DIP2B: variants seen among roughly 807,000 people sequenced by gnomAD.
The protein encoded by DIP2B is DIP2 acetate--CoA ligase B (putative).
DIP2B carries 76 observed loss-of-function variants against 198.0 expected under a neutral mutation model. The observed-to-expected ratio is 0.38, with a 90% CI of 0.32 to 0.46. The LOEUF is 0.46. Among genes scored for constraint, DIP2B ranks in the 20% least tolerant of loss-of-function variants. The pLI is 0.99. For missense variants in DIP2B, 1,559 were observed against 1,978.4 expected, an observed-to-expected ratio of 0.79 and a Z score of 4.02; for synonymous variants, 701 against 739.1, an observed-to-expected ratio of 0.95 and a Z score of 0.84.
chr12:50,607,845 G>A (rs1328803556), intron 1 of DIP2B, among the ~76,000 whole-genome samples: 1 of 152,218 alleles, frequency 6.6e-6, no homozygotes, highest in Non-Finnish European at 1.5e-5. Flanking sequence ...CCAGGCTGGA[G>A]TGCAGTGGCA....
chr12:50,695,000 A>G (rs1939285862), intron 14 of DIP2B, among the ~76,000 whole-genome samples: 1 of 152,200 alleles, frequency 6.6e-6, no homozygotes, highest in Non-Finnish European at 1.5e-5. Context: ...GGGAACAAAT[A>G]TCTATGAAAA....
At chr12:50,510,616 G>C (rs1037993263) in intron 1 of DIP2B, among the ~76,000 whole-genome samples, 1 of 150,672 alleles carries the variant, frequency 6.6e-6, no homozygotes, top group Non-Finnish European at 1.5e-5. Flanking sequence ...ACAGTTTCTC[G>C]CAAATCTTTA....
intron 1 of DIP2B, among the ~76,000 whole-genome samples, chr12:50,577,844 CAGG>C (rs942792041): frequency 1.2e-4 from 18 of 151,674 alleles, no homozygotes; most frequent in African/African-American, 4.4e-4. Context: ...TTGGAAGAGT[CAGG>C]AGTACAGCAT....
intron 3 of DIP2B, among the ~76,000 whole-genome samples, chr12:50,642,870 G>C (rs1360854650): frequency 6.6e-6 from 1 of 152,186 alleles, no homozygotes; most frequent in Non-Finnish European, 1.5e-5. Flanking sequence ...AAAGCATTCA[G>C]GTGCACCCCT....
At chr12:50,606,721 C>A (rs1183604229) in intron 1 of DIP2B, among the ~76,000 whole-genome samples, 1 of 151,708 alleles carries the variant, frequency 6.6e-6, no homozygotes, top group East Asian at 1.9e-4. Flanking sequence ...GTCTCCAACT[C>A]TTGCGTTCAA....
intron 22 of DIP2B, among the ~76,000 whole-genome samples, chr12:50,713,047 C>T (rs913945673): frequency 4.6e-5 from 7 of 152,170 alleles, no homozygotes; most frequent in African/African-American, 1.2e-4. Context: ...AAGTCCAGGT[C>T]GGCTTACTTC....
chr12:50,554,472 A>C lies in DIP2B; in HGVS notation c.100+49232A>C, dbSNP rs150470937. Among the ~76,000 whole-genome samples, 718 of 152,170 alleles carry C rather than the reference A, an allele frequency of 4.7e-3. 8 individuals are homozygous for C. The highest frequency in any genetic ancestry group is 0.016 in the African/African-American group (679 of 41,530). ...ATGTATTTGTCATTGATATGTCTCT[A>C]TACTCTTAGTTGCATGAATCTGCCT... On this transcript the variant is annotated intron_variant, in intron 1 of 37. Transcript: ENST00000301180.
At chr12:50,601,406 G>A (rs1958935474) in intron 1 of DIP2B, among the ~76,000 whole-genome samples, 1 of 151,370 alleles carries the variant, frequency 6.6e-6, no homozygotes, top group Non-Finnish European at 1.5e-5. Context: ...GTGCAGTGGC[G>A]CGATCTCGAC....
Position 50,678,692 on chromosome 12 carries a change from C to A in DIP2B, c.930C>A (p.Asp310Glu). Residue 310 changes from aspartate to glutamate, a missense_variant, in exon 8 of 38, where the codon GAC (aspartate) becomes GAA (glutamate). Coordinates refer to ENST00000301180, the MANE Select transcript of DIP2B (RefSeq NM_173602.3). Reference sequence around the variant, plus strand: ...TTCCTGGTACAGTACCTCAGCCAGACCCCAACCAGCCCAAGCCGGAGGGAC... The same window carrying A: ...TTCCTGGTACAGTACCTCAGCCAGAACCCAACCAGCCCAAGCCGGAGGGAC... ...SEEIVEVPQPDPNQPKPEGRQ... is the reference protein window; with the variant it reads ...SEEIVEVPQPEPNQPKPEGRQ... 5 of 1,614,030 alleles carry A rather than the reference C, an allele frequency of 3.1e-6. No individual in the cohort carries two copies. The highest frequency in any genetic ancestry group is 4.2e-6 in the Non-Finnish European group (5 of 1,179,958).
chr12:50,581,177 G>A lies in DIP2B; in HGVS notation c.101-44799G>A, dbSNP rs1958721449. Among the ~76,000 whole-genome samples, 3 of 149,456 alleles carry A rather than the reference G, an allele frequency of 2.0e-5. 1 individual carries two copies. ...ATGTGAATGAGCACAACTACTTGAT[G>A]ACTTTCAAAAACACAGATTTCTGGC... On this transcript the variant is annotated intron_variant, in intron 1 of 37. Coordinates refer to ENST00000301180, the MANE Select transcript of DIP2B (RefSeq NM_173602.3).
rs184174633 is a variant in DIP2B at position 50,735,058 on chromosome 12, A to G, written c.4044-15A>G. 5 of 1,613,992 alleles carry G rather than the reference A, an allele frequency of 3.1e-6. No individual in the cohort carries two copies. In the East Asian group the frequency reaches 8.9e-5, roughly 29 times the overall value. ...CTTAAAAGCCCTATATATAGTAAAT[A>G]CCGTTCTTCTGCAGGGTTCGTCTCG... On this transcript the variant is annotated splice_polypyrimidine_tract_variant and intron_variant, in intron 33 of 37. Transcript: ENST00000301180.
intron 12 of DIP2B, among the ~76,000 whole-genome samples, chr12:50,689,008 T>C (rs1410484383): frequency 6.6e-6 from 1 of 152,152 alleles, no homozygotes; most frequent in Non-Finnish European, 1.5e-5. Context: ...GTTTAAAGCA[T>C]CTCTGGGTAA....
chr12:50,589,238 GTTTTTT>G (rs576557950), intron 1 of DIP2B, among the ~76,000 whole-genome samples: 3 of 126,778 alleles, frequency 2.4e-5, no homozygotes, highest in Non-Finnish European at 4.7e-5. Context: ...GTTTGTCTTT[GTTTTTT>G]TTTTTTTTGA....
intron 21 of DIP2B, among the ~76,000 whole-genome samples, chr12:50,707,657 C>T (rs140694041): frequency 6.6e-6 from 1 of 152,264 alleles, no homozygotes; most frequent in African/African-American, 2.4e-5. Flanking sequence ...CAGACAGGAA[C>T]CACATAAACA....
At chr12:50,505,734 T>A (rs2139332411) in intron 1 of DIP2B, among the ~76,000 whole-genome samples, 1 of 152,264 alleles carries the variant, frequency 6.6e-6, no homozygotes, top group Non-Finnish European at 1.5e-5. Context: ...CAATGCGCGA[T>A]GCCTCCCCAG....
chr12:50,744,614 T>G lies in DIP2B; in HGVS notation c.4506T>G (p.Leu1502=), dbSNP rs771074283. 1.9e-6 allele frequency: 3 copies of G among 1,613,884 alleles called. No individual in the cohort carries two copies. The highest frequency in any genetic ancestry group is 2.7e-5 in the African/African-American group (2 of 74,876). Residue 1502 remains leucine (L), a synonymous_variant, in exon 38 of 38, where the codon CTT becomes CTG. Transcript: ENST00000301180. ...ECAVFTWTNL[L]VVVVELCGSE... is the part of the protein sequence containing the mutation. ...CCGTGTTCACATGGACCAACTTGCT[T>G]GTGGTGGTTGTGGAACTGTGCGGCT...
chr12:50,680,717 A>G lies in DIP2B; in HGVS notation c.1160A>G (p.Asn387Ser). The change falls in exon 9 of 38, where the codon AAT becomes AGT. Residue 387 changes from asparagine (N) to serine (S), a missense_variant. Transcript: ENST00000301180. ...RSLKLAYTLL[N>S]KLGTKNEPVL... ...TTAAAGTTGGCCTACACACTTCTTAATAAACTGGGGACCAAAAATGAACCT... is the reference window on the plus strand; with the variant it reads ...TTAAAGTTGGCCTACACACTTCTTAGTAAACTGGGGACCAAAAATGAACCT... 1 of 1,614,008 alleles carries G rather than the reference A, an allele frequency of 6.2e-7. No homozygotes were observed. The highest frequency in any genetic ancestry group is 8.5e-7 in the Non-Finnish European group (1 of 1,179,968).
At chr12:50,651,157 C>T (rs1415275646) in intron 3 of DIP2B, among the ~76,000 whole-genome samples, 5 of 152,216 alleles carry the variant, frequency 3.3e-5, no homozygotes, top group Non-Finnish European at 7.4e-5. Flanking sequence ...TATTCAAGTT[C>T]TTTGCCCATT....
intron 1 of DIP2B, among the ~76,000 whole-genome samples, chr12:50,601,469 T>A (rs931551922): frequency 6.6e-6 from 1 of 151,852 alleles, no homozygotes; most frequent in Non-Finnish European, 1.5e-5. Context: ...CTCAGCCTCC[T>A]GAGTAGCTGA....
Sources: allele counts gnomAD v4.1 joint callset (sites outside exome capture counted in the v4.1 genomes callset), GRCh38; gene constraint gnomAD v4.1.1; transcripts MANE v1.5; gene names NCBI Gene and HGNC (gene_info 2026-07-23, HGNC 2026-07-21).